Variants in RPS6KC1 observed in about 807,000 individuals in gnomAD.
The protein encoded by RPS6KC1 is ribosomal protein S6 kinase C1.
In RPS6KC1, 54 loss-of-function variants were observed where a neutral mutation model predicts 103.8. That is an observed-to-expected ratio of 0.52 (90% CI 0.42 to 0.65). RPS6KC1 has a LOEUF of 0.65. Among genes scored for constraint, RPS6KC1 ranks in the 30% least tolerant of loss-of-function variants. The pLI is 0.00. For missense variants in RPS6KC1, 1,151 were observed against 1,253.8 expected, an observed-to-expected ratio of 0.92 and a Z score of 1.24; for synonymous variants, 439 against 438.7, an observed-to-expected ratio of 1.00 and a Z score of -0.01.
chr1:213,188,725 G>T (rs1334986750), intron 8 of RPS6KC1, among the ~76,000 whole-genome samples: 1 of 152,028 alleles, frequency 6.6e-6, no homozygotes, highest in Non-Finnish European at 1.5e-5. Context: ...GAAATCAGAG[G>T]TCTGAATTAT....
chr1:213,375,206 TATAC>T, the RPS6KC1 span, among the ~76,000 whole-genome samples: 20 of 151,636 alleles, frequency 1.3e-4, 1 homozygote, highest in Middle Eastern at 3.4e-3. Flanking sequence ...CATATACACA[TATAC>T]ATACATACAT....
At chr1:213,633,788 G>A in the RPS6KC1 span, among the ~76,000 whole-genome samples, 2 of 143,364 alleles carry the variant, frequency 1.4e-5, no homozygotes, top group African/African-American at 5.1e-5. Context: ...TCAGTGTGCT[G>A]TATTCAGAAG....
the RPS6KC1 span, among the ~76,000 whole-genome samples, chr1:213,650,763 C>T: frequency 6.6e-6 from 1 of 152,088 alleles, no homozygotes; most frequent in African/African-American, 2.4e-5. Context: ...TCACTGATGA[C>T]AAGGCTTCTT....
the RPS6KC1 span, among the ~76,000 whole-genome samples, chr1:213,673,035 T>G: frequency 6.6e-6 from 1 of 152,166 alleles, no homozygotes; most frequent in East Asian, 1.9e-4. Flanking sequence ...GAGTTCTACA[T>G]GGGAGGGCTT....
At chr1:213,853,276 A>G in the RPS6KC1 span, among the ~76,000 whole-genome samples, 2 of 152,158 alleles carry the variant, frequency 1.3e-5, no homozygotes, top group Non-Finnish European at 2.9e-5. Flanking sequence ...CCCCCTGTCC[A>G]TCTCTCTAAG....
chr1:213,656,639 G>A, the RPS6KC1 span, among the ~76,000 whole-genome samples: 1 of 152,168 alleles, frequency 6.6e-6, no homozygotes, highest in Non-Finnish European at 1.5e-5. Flanking sequence ...CCAGGACTGG[G>A]CTCCATTACC....
chr1:213,439,446 T>A, the RPS6KC1 span, among the ~76,000 whole-genome samples: 50 of 152,322 alleles, frequency 3.3e-4, no homozygotes, highest in African/African-American at 1.2e-3. Context: ...GAAGTATTTA[T>A]TGGTGTGAGC....
At chr1:213,677,188 A>C in the RPS6KC1 span, among the ~76,000 whole-genome samples, 1 of 152,214 alleles carries the variant, frequency 6.6e-6, no homozygotes, top group Middle Eastern at 3.2e-3. Flanking sequence ...CCCTAAGAGC[A>C]TCTGGCCCTT....
intron 1 of RPS6KC1, among the ~76,000 whole-genome samples, chr1:213,067,609 G>A (rs1288560507): frequency 6.6e-6 from 1 of 151,922 alleles, no homozygotes; most frequent in Non-Finnish European, 1.5e-5. Flanking sequence ...GCACTCTACT[G>A]TTATCTGAGG....
At chr1:213,784,256 G>C in the RPS6KC1 span, among the ~76,000 whole-genome samples, 1 of 152,166 alleles carries the variant, frequency 6.6e-6, no homozygotes, top group Non-Finnish European at 1.5e-5. Flanking sequence ...CAAACCCACA[G>C]GACCTAAGAG....
At chr1:213,631,168 C>A in the RPS6KC1 span, among the ~76,000 whole-genome samples, 1 of 152,052 alleles carries the variant, frequency 6.6e-6, no homozygotes, top group Non-Finnish European at 1.5e-5. Flanking sequence ...CCTGGTGAGG[C>A]GATGCCTCAC....
chr1:213,166,074 T>C (rs1558459596), intron 6 of RPS6KC1, among the ~76,000 whole-genome samples: 1 of 151,988 alleles, frequency 6.6e-6, no homozygotes, highest in South Asian at 2.1e-4. Context: ...ATTCTAGCTT[T>C]AACTAGTTGT....
At chr1:213,316,330 C>G in the RPS6KC1 span, among the ~76,000 whole-genome samples, 1 of 152,170 alleles carries the variant, frequency 6.6e-6, no homozygotes, top group South Asian at 2.1e-4. Context: ...CAGTCTTGGG[C>G]AGTTCTTTAT....
the RPS6KC1 span, among the ~76,000 whole-genome samples, chr1:213,775,409 A>C: frequency 6.6e-6 from 1 of 152,124 alleles, no homozygotes. Flanking sequence ...GATACCATGG[A>C]TTTGGTTCCA....
intron 10 of RPS6KC1, among the ~76,000 whole-genome samples, chr1:213,238,180 G>A (rs939868060): frequency 2.0e-5 from 3 of 152,160 alleles, no homozygotes; most frequent in African/African-American, 7.2e-5. Context: ...TATGAAGGTG[G>A]ATGATAGAGG....
the RPS6KC1 span, among the ~76,000 whole-genome samples, chr1:213,779,476 G>A: frequency 2.0e-5 from 3 of 152,188 alleles, no homozygotes; most frequent in South Asian, 6.2e-4. Context: ...TGGATTCATG[G>A]CAGTTTTCTT....
chr1:213,740,471 C>G, the RPS6KC1 span, among the ~76,000 whole-genome samples: 1 of 152,042 alleles, frequency 6.6e-6, no homozygotes, highest in Non-Finnish European at 1.5e-5. Context: ...GCATTTGCAA[C>G]TAGACTCACT....
chr1:213,433,270 T>C, the RPS6KC1 span, among the ~76,000 whole-genome samples: 2 of 152,218 alleles, frequency 1.3e-5, no homozygotes, highest in African/African-American at 4.8e-5. Context: ...AACAAATCTC[T>C]CTCTGCTTTT....
chr1:213,547,806 C>T, the RPS6KC1 span, among the ~76,000 whole-genome samples: 1 of 152,198 alleles, frequency 6.6e-6, no homozygotes, highest in Non-Finnish European at 1.5e-5. Flanking sequence ...ATCTAAGACT[C>T]TCACCAGAAG....
Sources: allele counts gnomAD v4.1 joint callset (sites outside exome capture counted in the v4.1 genomes callset), GRCh38; gene constraint gnomAD v4.1.1; transcripts MANE v1.5; gene names NCBI Gene and HGNC (gene_info 2026-07-23, HGNC 2026-07-21).